MOSMO: variants seen among roughly 807,000 people sequenced by gnomAD.
MOSMO encodes modulator of smoothened.
A neutral mutation model predicts 18.4 loss-of-function variants in MOSMO; 5 were observed. The observed-to-expected ratio is 0.27, with a 90% CI of 0.14 to 0.57. The LOEUF is 0.57. Among genes scored for constraint, MOSMO ranks in the 20% least tolerant of loss-of-function variants. The pLI, the probability that MOSMO is intolerant of heterozygous loss-of-function variation, is 0.92. For synonymous variants in MOSMO, 82 were observed against 82.3 expected, an observed-to-expected ratio of 1.00 and a Z score of 0.02; for missense variants, 138 against 211.8, an observed-to-expected ratio of 0.65 and a Z score of 2.16.
chr16:22,044,106 A>G (rs28399180), intron 1 of MOSMO, among the ~76,000 whole-genome samples: 2,159 of 152,224 alleles, frequency 0.014, 52 homozygotes, highest in African/African-American at 0.049. Flanking sequence ...CGCCCCCATG[A>G]TTCAATTATC....
In MOSMO at chr16:22,084,556, G is replaced by A. The variant is rs941628797; in HGVS notation, c.*3676G>A. 2 of 152,212 alleles carry A rather than the reference G, an allele frequency of 1.3e-5. No individual in the cohort carries two copies. Among genetic ancestry groups the A allele is most frequent in the African/African-American group, 4.8e-5 (2 of 41,536 alleles). The allele number at this position is 152,212 out of a possible 1,614,324, so 9.4% of individuals were successfully genotyped here. On this transcript the variant is annotated 3_prime_UTR_variant, in exon 3 of 3. Transcript: ENST00000542527. ...TCAATTAATAGTTTCAAAACAAATT[G>A]TTAATACAACTGTATAAAATGAACA...
intron 1 of MOSMO, among the ~76,000 whole-genome samples, chr16:22,056,614 C>A (rs1900543489): frequency 6.6e-6 from 1 of 151,598 alleles, no homozygotes; most frequent in Admixed American, 6.6e-5. Flanking sequence ...AAGCTCCCGA[C>A]CTTAGGTGAT....
chr16:22,009,080 C>T (rs1899460594), intron 1 of MOSMO, among the ~76,000 whole-genome samples: 1 of 152,176 alleles, frequency 6.6e-6, no homozygotes. Context: ...CCGCCCCCGC[C>T]CATCCCCTGC....
intron 1 of MOSMO, among the ~76,000 whole-genome samples, chr16:22,014,078 A>G (rs545794462): frequency 1.1e-4 from 17 of 152,300 alleles, no homozygotes; most frequent in African/African-American, 3.8e-4. Context: ...AGACTTAACA[A>G]TCCAGTCCCA....
At chr16:22,050,589 G>A (rs902868908) in intron 1 of MOSMO, among the ~76,000 whole-genome samples, 3 of 152,092 alleles carry the variant, frequency 2.0e-5, no homozygotes, top group Admixed American at 2.0e-4. Context: ...TAATTATTTG[G>A]TCCAAAATGT....
At chr16:22,013,925 A>G (rs965807665) in intron 1 of MOSMO, among the ~76,000 whole-genome samples, 1 of 151,826 alleles carries the variant, frequency 6.6e-6, no homozygotes, top group Non-Finnish European at 1.5e-5. Flanking sequence ...CCCTGCTTGT[A>G]TTCTGAACTA....
At chr16:22,075,736 C>A in intron 2 of MOSMO, 37 bp downstream of exon 2, 2 of 1,327,284 alleles carry the variant, frequency 1.5e-6, no homozygotes, top group Non-Finnish European at 2.0e-6. Context: ...GTCTAGAAGG[C>A]ACCCACCCAC....
chr16:22,038,205 A>C (rs897118069), intron 1 of MOSMO, among the ~76,000 whole-genome samples: 2 of 152,262 alleles, frequency 1.3e-5, no homozygotes, highest in African/African-American at 4.8e-5. Flanking sequence ...GAAATTGAAA[A>C]GTACATTAGT....
chr16:22,044,810 A>G (rs1158022499), intron 1 of MOSMO, among the ~76,000 whole-genome samples: 1 of 152,122 alleles, frequency 6.6e-6, no homozygotes, highest in Non-Finnish European at 1.5e-5. Flanking sequence ...GCTACCTTTC[A>G]TGGGCCCTCA....
intron 2 of MOSMO, 69 bp from the exon 3 acceptor site, chr16:22,080,627 C>A: frequency 9.2e-7 from 1 of 1,085,532 alleles, no homozygotes; most frequent in Non-Finnish European, 1.2e-6. Flanking sequence ...TTCCTTTGTG[C>A]CAAATTTTCA....
At chr16:22,040,920 C>T (rs558468410) in intron 1 of MOSMO, among the ~76,000 whole-genome samples, 8 of 152,122 alleles carry the variant, frequency 5.3e-5, no homozygotes, top group African/African-American at 1.7e-4. Context: ...GCCAAGATCG[C>T]GCTACTGCAC....
chr16:22,011,430 G>A (rs1260989986), intron 1 of MOSMO, among the ~76,000 whole-genome samples: 1 of 152,202 alleles, frequency 6.6e-6, no homozygotes, highest in Non-Finnish European at 1.5e-5. Context: ...GTATTGTAAT[G>A]ATGGCTTATG....
chr16:22,060,821 C>T (rs551768757), intron 1 of MOSMO, among the ~76,000 whole-genome samples: 4 of 151,562 alleles, frequency 2.6e-5, no homozygotes, highest in African/African-American at 4.9e-5. Context: ...TGCAGTGAGC[C>T]GAGATCGCAT....
rs551997878 is a variant in MOSMO, at chr16:22,048,475, A to G, written c.107-27012A>G. 3.3e-5 allele frequency among the ~76,000 whole-genome samples: 5 copies of G among 152,330 alleles called. No homozygotes were observed. The South Asian group carries it at 1.0e-3, about 32-fold the overall frequency. ...TATCTTTTCCAGTGCTGGATAGTAT[A>G]AATCTTTTTAGCTTTTGAAAATTTG... On this transcript the variant is annotated intron_variant, in intron 1 of 2. Coordinates refer to ENST00000542527, the MANE Select transcript of MOSMO (RefSeq NM_001164579.2).
intron 1 of MOSMO, among the ~76,000 whole-genome samples, chr16:22,032,285 C>G (rs766061582): frequency 4.6e-5 from 7 of 151,068 alleles, no homozygotes; most frequent in South Asian, 2.1e-4. Flanking sequence ...TGCCTCCCAG[C>G]TTCAAGTGAT....
chr16:22,074,091 A>G (rs1900914775), intron 1 of MOSMO, among the ~76,000 whole-genome samples: 1 of 152,196 alleles, frequency 6.6e-6, no homozygotes, highest in African/African-American at 2.4e-5. Flanking sequence ...CCCTCCTTCC[A>G]GCAGCCCCAC....
At chr16:22,085,037 T>C (rs1305013558), downstream of MOSMO, 2 of 152,244 alleles carry the variant, frequency 1.3e-5, no homozygotes, top group African/African-American at 4.8e-5. Flanking sequence ...TTTGCTTCAG[T>C]CTTCTGTTTC....
chr16:22,049,926 T>A (rs920178569), intron 1 of MOSMO, among the ~76,000 whole-genome samples: 20 of 152,222 alleles, frequency 1.3e-4, no homozygotes, highest in African/African-American at 4.8e-4. Flanking sequence ...TATTGTTGAT[T>A]GATGTATCTA....
At chr16:22,015,155 CCTATT>C (rs1419067330) in intron 1 of MOSMO, among the ~76,000 whole-genome samples, 2 of 152,120 alleles carry the variant, frequency 1.3e-5, no homozygotes, top group African/African-American at 4.8e-5. Context: ...TGTTGATTTG[CCTATT>C]CTGGACATTT....
Sources: allele counts gnomAD v4.1 joint callset (sites outside exome capture counted in the v4.1 genomes callset), GRCh38; gene constraint gnomAD v4.1.1; transcripts MANE v1.5; gene names NCBI Gene and HGNC (gene_info 2026-07-23, HGNC 2026-07-21).